The following PTPRG variants were observed in gnomAD, a reference collection of about 807,000 sequenced individuals.
PTPRG encodes the protein protein tyrosine phosphatase receptor type G.
PTPRG carries 102 observed loss-of-function variants against 165.3 expected under a neutral mutation model. That is an observed-to-expected ratio of 0.62 (90% confidence interval 0.53 to 0.73). The LOEUF (loss-of-function observed/expected upper bound fraction) is 0.73. Ranked by LOEUF, PTPRG falls within the 30% of genes least tolerant of loss-of-function variation. The probability of loss-of-function intolerance (pLI) is 0.00; values close to 1 mark genes in which losing one functional copy is unlikely to be tolerated. For synonymous variants in PTPRG, 675 were observed against 669.5 expected (o/e 1.01, Z -0.13); for missense variants, 1,866 against 1,861.4 (o/e 1.00, Z -0.05).
At chr3:61,931,163 T>C (rs1005832242) in intron 2 of PTPRG, among the ~76,000 whole-genome samples, 2 of 152,220 alleles carry the variant, frequency 1.3e-5, no homozygotes, top group South Asian at 2.1e-4. Flanking sequence ...TTGCTCATTT[T>C]GCTTCTGCAG....
intron 1 of PTPRG, among the ~76,000 whole-genome samples, chr3:61,629,800 T>A (rs1236374704): frequency 6.6e-6 from 1 of 152,224 alleles, no homozygotes; most frequent in Non-Finnish European, 1.5e-5. Context: ...AAAAGATAGA[T>A]TCCAGTGGAT....
chr3:62,071,041 C>A (rs769950282), intron 4 of PTPRG, among the ~76,000 whole-genome samples: 1 of 151,838 alleles, frequency 6.6e-6, no homozygotes, highest in East Asian at 1.9e-4. Context: ...TTTTGGTTAC[C>A]CTCTTTATCT....
At chr3:61,671,806 C>G (rs1479614051) in intron 1 of PTPRG, among the ~76,000 whole-genome samples, 134 of 137,866 alleles carry the variant, frequency 9.7e-4, no homozygotes, top group African/African-American at 3.6e-3. Flanking sequence ...GGGCGGCTGG[C>G]CGGGCAGAGG....
At chr3:61,727,210 ATT>A (rs59634619) in intron 1 of PTPRG, among the ~76,000 whole-genome samples, 7,229 of 144,764 alleles carry the variant, frequency 0.05, 321 homozygotes, top group African/African-American at 0.12. Flanking sequence ...TAAAATCATA[ATT>A]TTTTTTTTTT....
intron 1 of PTPRG, among the ~76,000 whole-genome samples, chr3:61,635,028 G>A (rs1158320025): frequency 6.6e-6 from 1 of 152,126 alleles, no homozygotes; most frequent in African/African-American, 2.4e-5. Context: ...TATATCTAAA[G>A]TCTGTATTTG....
chr3:61,733,913 TC>T (rs1201143048), intron 1 of PTPRG, among the ~76,000 whole-genome samples: 1 of 152,176 alleles, frequency 6.6e-6, no homozygotes, highest in Non-Finnish European at 1.5e-5. Context: ...TCCTCACACC[TC>T]AGCCTCCCAA....
At chr3:61,569,253 A>G (rs1402544592) in intron 1 of PTPRG, among the ~76,000 whole-genome samples, 3 of 152,198 alleles carry the variant, frequency 2.0e-5, no homozygotes, top group Non-Finnish European at 4.4e-5. Context: ...AGGTAAGAAT[A>G]TGGCCTCTGG....
intron 1 of PTPRG, among the ~76,000 whole-genome samples, chr3:61,709,608 C>G (rs1053594649): frequency 3.9e-5 from 6 of 152,174 alleles, no homozygotes; most frequent in Non-Finnish European, 8.8e-5. Context: ...AGCCACCGTT[C>G]CCCGCCTTAA....
chr3:61,776,951 T>G (rs2034401779), intron 2 of PTPRG, among the ~76,000 whole-genome samples: 1 of 152,146 alleles, frequency 6.6e-6, no homozygotes, highest in Admixed American at 6.5e-5. Context: ...AACTATTGAC[T>G]GGTATGTTTT....
rs79537130 is a variant in PTPRG at position 61,840,747 on chromosome 3, C to T, written c.190+91765C>T. 5.8e-3 allele frequency among the ~76,000 whole-genome samples: 854 copies of T among 146,822 alleles called. 7 individuals carry two copies. Among genetic ancestry groups the T allele is most frequent in the African/African-American group, 0.02 (809 of 39,654 alleles). ...CACAAGTAAACAAATATATAGGATA[C>T]AGAAAATTTCAGATGGAGTTTTTTT... On this transcript the variant is annotated intron_variant, in intron 2 of 29. Coordinates refer to ENST00000474889, the MANE Select transcript of PTPRG (RefSeq NM_002841.4).
At chr3:61,786,418 T>C (rs1182690794) in intron 2 of PTPRG, among the ~76,000 whole-genome samples, 1 of 152,210 alleles carries the variant, frequency 6.6e-6, no homozygotes, top group Non-Finnish European at 1.5e-5. Context: ...CTTGATACCT[T>C]GAGCCTCATG....
At chr3:62,003,620 TG>T (rs2041225980) in intron 4 of PTPRG, 123 bp downstream of exon 4, 1 of 1,255,476 alleles carries the variant, frequency 8.0e-7, no homozygotes, top group Non-Finnish European at 1.1e-6. Context: ...TTCCTCTCTC[TG>T]GAAACCCTTT....
At chr3:62,186,567 C>CTTTTTTTTTTTTTTTTTT (rs35133425) in intron 8 of PTPRG, among the ~76,000 whole-genome samples, 6 of 117,518 alleles carry the variant, frequency 5.1e-5, no homozygotes, top group African/African-American at 1.7e-4. Context: ...TTTTCTTTTC[C>CTTTTTTTTTTTTTTTTTT]TTTTTTTTTT....
At chr3:62,193,626 C>T (rs185043544) in intron 9 of PTPRG, among the ~76,000 whole-genome samples, 58 of 152,330 alleles carry the variant, frequency 3.8e-4, no homozygotes, top group African/African-American at 1.4e-3. Context: ...AACCTGTGGG[C>T]AGGTGTTATT....
At chr3:61,593,503 A>G (rs563937075) in intron 1 of PTPRG, among the ~76,000 whole-genome samples, 1 of 152,074 alleles carries the variant, frequency 6.6e-6, no homozygotes, top group South Asian at 2.1e-4. Flanking sequence ...GCTTAAATCT[A>G]TTCCTTAAAA....
chr3:61,615,719 A>AT (rs1701280026), intron 1 of PTPRG, among the ~76,000 whole-genome samples: 1 of 152,094 alleles, frequency 6.6e-6, no homozygotes. Context: ...TGTTACCATC[A>AT]TTATTTTGAT....
At chr3:62,019,845 C>T (rs1014371030) in intron 4 of PTPRG, among the ~76,000 whole-genome samples, 13 of 152,162 alleles carry the variant, frequency 8.5e-5, no homozygotes, top group Middle Eastern at 3.2e-3. Context: ...AAAACTACTT[C>T]CTGTGTATAC....
chr3:61,945,219 T>C (rs928736282), intron 2 of PTPRG, among the ~76,000 whole-genome samples: 14 of 152,130 alleles, frequency 9.2e-5, no homozygotes, highest in Non-Finnish European at 1.5e-4. Flanking sequence ...AAATTTTGTA[T>C]GCTTTTGACA....
chr3:61,651,899 A>G (rs527528639), intron 1 of PTPRG, among the ~76,000 whole-genome samples: 1 of 152,198 alleles, frequency 6.6e-6, no homozygotes, highest in East Asian at 1.9e-4. Flanking sequence ...AGTCCCAGTT[A>G]TTCGGGAGGC....
Sources: gnomAD v4.1 joint callset for allele counts (sites outside exome capture counted in the v4.1 genomes callset) on GRCh38, gnomAD v4.1.1 for gene constraint, MANE v1.5 for transcripts, NCBI Gene and HGNC (gene_info 2026-07-23, HGNC 2026-07-21) for gene names.